CNKSR2: variants seen among roughly 807,000 people sequenced by gnomAD.
CNKSR2 encodes CNK homolog protein 2.
CNKSR2 carries 14 observed loss-of-function variants against 84.4 expected under a neutral mutation model. That is an observed-to-expected ratio of 0.17 (90% CI 0.11 to 0.26). The LOEUF is 0.26. CNKSR2 is among the 10% of genes least tolerant of loss of function. The pLI is 1.00. For synonymous variants in CNKSR2, 275 were observed against 277.9 expected (o/e 0.99, Z 0.10); for missense variants, 485 against 771.2 (o/e 0.63, Z 4.40).
intron 1 of CNKSR2, among the ~76,000 whole-genome samples, chrX:21,398,711 T>A (rs1274671303): frequency 1.1e-4 from 12 of 111,986 alleles, no homozygotes; most frequent in Non-Finnish European, 2.1e-4. Context: ...TGGCGCATAG[T>A]GTAACTTAAA....
intron 20 of CNKSR2, among the ~76,000 whole-genome samples, chrX:21,628,959 GCT>G (rs2092636211): frequency 8.9e-6 from 1 of 112,097 alleles, no homozygotes; most frequent in Admixed American, 9.4e-5. Flanking sequence ...AAACTTTTAT[GCT>G]CTGTTTCCCT....
In CNKSR2 at chrX:21,497,844, A is replaced by C. The variant is rs776199536; in HGVS notation, c.739A>C (p.Asn247His). 2 of 870,881 alleles carry C rather than the reference A, an allele frequency of 2.3e-6. No homozygotes were observed. Among genetic ancestry groups the C allele is most frequent in the Admixed American group, 2.2e-5 (1 of 45,246 alleles). 71.8% of individuals were successfully genotyped at this position (870,881 alleles called of 1,213,427 possible). A position where few individuals can be genotyped will look rare whatever the true frequency, so the allele number is the denominator to read the frequency against. Residue 247 changes from asparagine to histidine, a missense_variant and splice_region_variant, in exon 7 of 22, where the codon AAT (asparagine) becomes CAT (histidine). Asn to His is a moderately conservative substitution (Grantham distance 68). Around this residue, in one of 5 missense-constraint regions of CNKSR2, gnomAD observed 109 missense variants for 197.5 expected, o/e 0.55. Transcript: ENST00000379510. ...CCATGTAATTACTGGAACCACAGAA[A>C]ATGTAAGTATTCTAACCTTTCAAAT... Reference protein sequence around the residue: ...GLHVITGTTENSPADRCKKIH... With the variant: ...GLHVITGTTEHSPADRCKKIH...
At chrX:21,609,038 T>G (rs762094397) in intron 19 of CNKSR2, 33 bp from the exon 20 acceptor site, 2 of 1,167,317 alleles carry the variant, frequency 1.7e-6, no homozygotes, top group Non-Finnish European at 2.3e-6. Flanking sequence ...TCTGTTATTT[T>G]GGCACAGACT....
At chrX:21,498,337 A>G (rs2091523769) in intron 7 of CNKSR2, among the ~76,000 whole-genome samples, 1 of 111,491 alleles carries the variant, frequency 9.0e-6, no homozygotes, top group African/African-American at 3.3e-5. Context: ...ATATATGCAA[A>G]CTGTTAGGCC....
At chrX:21,474,787 T>C (rs2091242721) in intron 5 of CNKSR2, among the ~76,000 whole-genome samples, 1 of 111,660 alleles carries the variant, frequency 9.0e-6, no homozygotes, top group Non-Finnish European at 1.9e-5. Flanking sequence ...GTGACTGAAA[T>C]CAAGATTTGC....
At chrX:21,415,517 T>G (rs1444160681) in intron 1 of CNKSR2, among the ~76,000 whole-genome samples, 1 of 107,046 alleles carries the variant, frequency 9.3e-6, no homozygotes, top group African/African-American at 3.4e-5. Context: ...CTTCTCATTG[T>G]TCAATTCCCA....
At chrX:21,460,926 C>T (rs1165742455) in intron 4 of CNKSR2, among the ~76,000 whole-genome samples, 2 of 112,125 alleles carry the variant, frequency 1.8e-5, no homozygotes, top group African/African-American at 3.2e-5. Flanking sequence ...TTTCTTTATC[C>T]ATTTATCTGT....
At chrX:21,461,747 T>C (rs2091064561) in intron 4 of CNKSR2, among the ~76,000 whole-genome samples, 1 of 112,272 alleles carries the variant, frequency 8.9e-6, no homozygotes, top group African/African-American at 3.2e-5. Context: ...TTCATTCTAA[T>C]GCCCATGGAT....
At chrX:21,641,384 T>C in intron 20 of CNKSR2, 1 of 708,030 alleles carries the variant, frequency 1.4e-6, no homozygotes, top group Non-Finnish European at 2.1e-6. Context: ...GACATTGTAT[T>C]AAAACCATAT....
chrX:21,471,246 A>G (rs1267860582), intron 5 of CNKSR2, among the ~76,000 whole-genome samples: 2 of 112,231 alleles, frequency 1.8e-5, no homozygotes, highest in African/African-American at 6.5e-5. Context: ...AACCTTTCAA[A>G]TGGTAATATG....
rs776290691 is a variant in CNKSR2, at chrX:21,377,037, T to A, written c.64+2076T>A. Among the ~76,000 whole-genome samples the A allele has an allele frequency of 1.1e-4, 12 of 112,387 alleles. No homozygotes were observed. In the South Asian group the frequency reaches 1.5e-3, roughly 14 times the overall value. On this transcript the variant is annotated intron_variant, in intron 1 of 21. Transcript: ENST00000379510. ...AACATTGTTAGCTGTGATTTGAAAA[T>A]TTTTTTTAAATGTAAGTCGAATACC...
At chrX:21,415,833 TACACACACACACACACAC>T (rs559013925) in intron 1 of CNKSR2, among the ~76,000 whole-genome samples, 2 of 88,195 alleles carry the variant, frequency 2.3e-5, no homozygotes, top group South Asian at 6.1e-4. Context: ...TATACATATA[TACACACACACACACACAC>T]ACACACACAC....
chrX:21,582,681 T>C (rs948561122), intron 13 of CNKSR2, among the ~76,000 whole-genome samples: 13 of 112,185 alleles, frequency 1.2e-4, no homozygotes, highest in African/African-American at 4.2e-4. Context: ...ATCAATTACA[T>C]CACTTATAAA....
At chrX:21,600,412 A>G (rs891194046) in intron 17 of CNKSR2, among the ~76,000 whole-genome samples, 1 of 112,463 alleles carries the variant, frequency 8.9e-6, no homozygotes, top group African/African-American at 3.2e-5. Context: ...CTAGCTTGAA[A>G]TGTAGGTTTT....
chrX:21,623,973 A>G (rs963056781), intron 20 of CNKSR2, among the ~76,000 whole-genome samples: 1 of 111,847 alleles, frequency 8.9e-6, no homozygotes. Context: ...GCCAAATTAC[A>G]CAAATGATTC....
At chrX:21,454,342 A>G (rs1025924073) in intron 4 of CNKSR2, among the ~76,000 whole-genome samples, 1 of 112,216 alleles carries the variant, frequency 8.9e-6, no homozygotes, top group Non-Finnish European at 1.9e-5. Flanking sequence ...ATTGAGTATC[A>G]TGTTATTTGA....
At chrX:21,535,969 C>T (rs1170824903) in intron 11 of CNKSR2, among the ~76,000 whole-genome samples, 1 of 111,416 alleles carries the variant, frequency 9.0e-6, no homozygotes, top group Admixed American at 9.5e-5. Context: ...AAGCTTTCCA[C>T]TTTTCTCCAT....
chrX:21,413,739 C>A (rs2090377151), intron 1 of CNKSR2, among the ~76,000 whole-genome samples: 1 of 110,928 alleles, frequency 9.0e-6, no homozygotes, highest in South Asian at 3.8e-4. Flanking sequence ...TTTCACTTGA[C>A]ATAATGATCT....
chrX:21,652,059 G>T (rs2092722116), intron 21 of CNKSR2, among the ~76,000 whole-genome samples: 1 of 111,658 alleles, frequency 9.0e-6, no homozygotes, highest in Non-Finnish European at 1.9e-5. Context: ...AACGAAAAAG[G>T]TTTCCATAGC....
Sources: allele counts gnomAD v4.1 joint callset (sites outside exome capture counted in the v4.1 genomes callset), GRCh38; gene constraint gnomAD v4.1.1; regional missense constraint gnomAD v4.1.1; transcripts MANE v1.5; gene names NCBI Gene and HGNC (gene_info 2026-07-23, HGNC 2026-07-21).